ASIC2: variants seen among roughly 807,000 people sequenced by gnomAD.
ASIC2 encodes the protein acid sensing ion channel subunit 2, also known as acid-sensing ion channel 2.
Under a neutral mutation model 57.3 loss-of-function variants are expected in ASIC2, and 25 were observed. That is an observed-to-expected ratio of 0.44 (90% CI 0.32 to 0.61). The LOEUF is 0.61. Among genes scored for constraint, ASIC2 ranks in the 20% least tolerant of loss-of-function variants. ASIC2 has a pLI of 0.06. For synonymous variants in ASIC2, 319 were observed against 307.5 expected, an observed-to-expected ratio of 1.04 and a Z score of -0.39; for missense variants, 641 against 738.1, an observed-to-expected ratio of 0.87 and a Z score of 1.52.
intron 1 of ASIC2, among the ~76,000 whole-genome samples, chr17:33,948,871 T>A (rs1395847896): frequency 6.6e-6 from 1 of 152,194 alleles, no homozygotes; most frequent in African/African-American, 2.4e-5. Context: ...TAGCAGAAGT[T>A]GTCACACTTC....
chr17:33,819,381 G>A (rs958989160), intron 1 of ASIC2, among the ~76,000 whole-genome samples: 1 of 152,204 alleles, frequency 6.6e-6, no homozygotes, highest in African/African-American at 2.4e-5. Flanking sequence ...CAGATACTTG[G>A]TGCAGCATGA....
intron 1 of ASIC2, among the ~76,000 whole-genome samples, chr17:33,703,361 T>C (rs978224793): frequency 6.6e-6 from 1 of 151,860 alleles, no homozygotes; most frequent in African/African-American, 2.4e-5. Flanking sequence ...GTTGTTGTTG[T>C]TGTTGAGACA....
chr17:33,754,347 T>G (rs1213491504), intron 1 of ASIC2, among the ~76,000 whole-genome samples: 6 of 151,952 alleles, frequency 3.9e-5, no homozygotes, highest in South Asian at 2.1e-4. Context: ...GTGAGAAGGT[T>G]CCCAGCATCT....
At chr17:33,240,542 C>A (rs1908461703) in intron 1 of ASIC2, among the ~76,000 whole-genome samples, 1 of 152,196 alleles carries the variant, frequency 6.6e-6, no homozygotes, top group African/African-American at 2.4e-5. Flanking sequence ...AGGGACCCTG[C>A]CAGGCACTGT....
intron 1 of ASIC2, among the ~76,000 whole-genome samples, chr17:33,284,807 T>C (rs1905082569): frequency 6.6e-6 from 1 of 152,242 alleles, no homozygotes; most frequent in Non-Finnish European, 1.5e-5. Flanking sequence ...TAAAATTGAA[T>C]GTGACTGTTT....
intron 1 of ASIC2, among the ~76,000 whole-genome samples, chr17:33,553,840 A>G (rs915040429): frequency 1.3e-5 from 2 of 152,200 alleles, no homozygotes; most frequent in African/African-American, 4.8e-5. Context: ...CTAATGTCTC[A>G]CACATACTAA....
intron 1 of ASIC2, among the ~76,000 whole-genome samples, chr17:33,540,360 T>C (rs1309222003): frequency 1.3e-5 from 2 of 152,200 alleles, no homozygotes; most frequent in African/African-American, 4.8e-5. Flanking sequence ...TATTTCCAAA[T>C]AAGCTCACAC....
At chr17:33,717,867 A>G (rs1420619872) in intron 1 of ASIC2, among the ~76,000 whole-genome samples, 1 of 152,240 alleles carries the variant, frequency 6.6e-6, no homozygotes, top group South Asian at 2.1e-4. Context: ...ACAGATACTT[A>G]ATAAATGGTA....
At chr17:33,984,454 G>A (rs992774544) in intron 1 of ASIC2, 8 of 152,150 alleles carry the variant, frequency 5.3e-5, no homozygotes, top group African/African-American at 1.7e-4. Context: ...CGCCTACATC[G>A]TGCAAGCAAT....
chr17:33,456,053 G>A (rs968944868), intron 1 of ASIC2, among the ~76,000 whole-genome samples: 3 of 152,088 alleles, frequency 2.0e-5, no homozygotes, highest in South Asian at 4.2e-4. Flanking sequence ...TCCGGTCCAG[G>A]GCTCTCTATC....
At chr17:33,673,897 C>T (rs1597830492) in intron 1 of ASIC2, among the ~76,000 whole-genome samples, 5 of 141,152 alleles carry the variant, frequency 3.5e-5, no homozygotes, top group African/African-American at 1.3e-4. Flanking sequence ...GCATCCGTGT[C>T]TTTTTTTTTT....
chr17:33,826,399 A>G (rs1912912542), intron 1 of ASIC2, among the ~76,000 whole-genome samples: 1 of 152,184 alleles, frequency 6.6e-6, no homozygotes, highest in Non-Finnish European at 1.5e-5. Flanking sequence ...TGTTTCTAAA[A>G]TCAGGGCTAT....
chr17:33,531,487 T>C (rs1487376535), intron 1 of ASIC2, among the ~76,000 whole-genome samples: 1 of 152,178 alleles, frequency 6.6e-6, no homozygotes, highest in Non-Finnish European at 1.5e-5. Context: ...TCTTGCCATC[T>C]GGGGGTTTAG....
intron 1 of ASIC2, among the ~76,000 whole-genome samples, chr17:33,124,292 ACAAATGCAG>A (rs2092314656): frequency 6.6e-6 from 1 of 152,240 alleles, no homozygotes; most frequent in African/African-American, 2.4e-5. Flanking sequence ...TCACAGATTC[ACAAATGCAG>A]AGAGTTTTCT....
intron 1 of ASIC2, among the ~76,000 whole-genome samples, chr17:34,109,714 G>A (rs940275225): frequency 6.6e-6 from 1 of 152,028 alleles, no homozygotes; most frequent in Admixed American, 6.5e-5. Context: ...GTGTATATTG[G>A]CCATTAAGCC....
At chr17:33,579,652 G>C (rs1005052813) in intron 1 of ASIC2, among the ~76,000 whole-genome samples, 3 of 151,850 alleles carry the variant, frequency 2.0e-5, no homozygotes, top group East Asian at 1.9e-4. Context: ...TCTTCCTTCT[G>C]GTGGGCTCCT....
intron 1 of ASIC2, among the ~76,000 whole-genome samples, chr17:33,812,394 TTCCCCTGCCTG>T (rs1912448352): frequency 6.6e-6 from 1 of 152,220 alleles, no homozygotes; most frequent in African/African-American, 2.4e-5. Flanking sequence ...ATTGTCATTT[TTCCCCTGCCTG>T]TCCATGAGTT....
At chr17:33,878,051 A>G (rs575293666) in intron 1 of ASIC2, among the ~76,000 whole-genome samples, 115 of 152,376 alleles carry the variant, frequency 7.5e-4, no homozygotes, top group African/African-American at 2.7e-3. Flanking sequence ...GAGGTTCCTG[A>G]CTGTTAGAAG....
intron 1 of ASIC2, among the ~76,000 whole-genome samples, chr17:33,143,000 G>A (rs1003121844): frequency 5.3e-5 from 8 of 152,164 alleles, no homozygotes; most frequent in Non-Finnish European, 8.8e-5. Context: ...AAACCAAAAA[G>A]CTCAATAAGG....
Sources: gnomAD v4.1 joint callset for allele counts (sites outside exome capture counted in the v4.1 genomes callset) on GRCh38, gnomAD v4.1.1 for gene constraint, MANE v1.5 for transcripts, NCBI Gene and HGNC (gene_info 2026-07-23, HGNC 2026-07-21) for gene names.